ZFHX3: variants seen among roughly 807,000 people sequenced by gnomAD.
ZFHX3 encodes the protein zinc finger homeobox protein 3.
Under a neutral mutation model 279.1 loss-of-function variants are expected in ZFHX3, and 42 were observed. The ratio of observed to expected loss-of-function variants is 0.15; its 90% CI spans 0.12 to 0.19. The LOEUF (loss-of-function observed/expected upper bound fraction) is 0.19. ZFHX3 is among the 10% of genes least tolerant of loss of function. ZFHX3 has a pLI of 1.00. For synonymous variants in ZFHX3, 2,293 were observed against 1,957.8 expected, an observed-to-expected ratio of 1.17 and a Z score of -4.52; for missense variants, 4,981 against 4,754.0, an observed-to-expected ratio of 1.05 and a Z score of -1.40.
chr16:72,783,525 TTTTAC>T lies in ZFHX3; in HGVS notation c.*3634_*3638del, dbSNP rs375264098. 6.6e-6 allele frequency: 1 copy of T among 152,610 alleles called. No homozygotes were observed. The highest frequency in any genetic ancestry group is 1.5e-5 in the Non-Finnish European group (1 of 68,042). The allele number at this position is 152,610 out of a possible 1,614,324, so 9.5% of individuals were successfully genotyped here. A position where few individuals can be genotyped will look rare whatever the true frequency, so the allele number is the denominator to read the frequency against. On this transcript the variant is annotated 3_prime_UTR_variant, in exon 10 of 10. Coordinates refer to ENST00000268489, the MANE Select transcript of ZFHX3 (RefSeq NM_006885.4). The stretch of plus-strand genomic sequence containing the variant: ...CTCAGGTTTAAACACATGCCGTCTG[TTTTAC>T]TTTATTTTCAATTGTGTAAAACTTT...
upstream of ZFHX3, among the ~76,000 whole-genome samples, chr16:73,049,852 A>C (rs996750867): frequency 2.0e-5 from 3 of 152,220 alleles, no homozygotes; most frequent in Non-Finnish European, 4.4e-5. Flanking sequence ...ACTGTTATTT[A>C]TATTGGCCAT....
chr16:72,962,888 C>T (rs1347761794), intron 1 of ZFHX3, among the ~76,000 whole-genome samples: 5 of 151,898 alleles, frequency 3.3e-5, no homozygotes, highest in Admixed American at 6.6e-5. Flanking sequence ...AAGAGGGGGA[C>T]GCGCGCACAG....
intron 2 of ZFHX3, among the ~76,000 whole-genome samples, chr16:73,549,200 G>A (rs1214735224): frequency 6.6e-6 from 1 of 151,792 alleles, no homozygotes; most frequent in African/African-American, 2.4e-5. Flanking sequence ...TCTGCCTAAA[G>A]GAAAATGATT....
At chr16:73,296,711 T>C (rs988466493) in intron 4 of ZFHX3, among the ~76,000 whole-genome samples, 3 of 152,260 alleles carry the variant, frequency 2.0e-5, no homozygotes, top group East Asian at 1.9e-4. Context: ...GTAGATTCTT[T>C]GCATTCATTT....
chr16:72,882,972 T>C (rs1368940054), intron 4 of ZFHX3, among the ~76,000 whole-genome samples: 1 of 135,630 alleles, frequency 7.4e-6, no homozygotes, highest in Non-Finnish European at 1.6e-5. Context: ...TTCACACCAC[T>C]CTGGGGTGTG....
chr16:73,359,133 G>C (rs1218188320), intron 3 of ZFHX3, among the ~76,000 whole-genome samples: 1 of 151,640 alleles, frequency 6.6e-6, no homozygotes, highest in African/African-American at 2.4e-5. Context: ...TAGACAATTA[G>C]GTGCTACATC....
In ZFHX3 at chr16:73,620,939, G is replaced by C. The variant is rs969532569; in HGVS notation, c.-1547+59241C>G. Among the ~76,000 whole-genome samples, 15 of 152,350 alleles carry C rather than the reference G, an allele frequency of 9.8e-5. No individual in the cohort carries two copies. In the Middle Eastern group the frequency reaches 0.014, roughly 138 times the overall value. The stretch of plus-strand genomic sequence containing the variant: ...GAGACACAGCTTGGTGGGAATCCCA[G>C]CCAGACCCTTAGATGACTTTAAGCA... On this transcript the variant is annotated intron_variant, in intron 2 of 17. Coordinates refer to the ZFHX3 transcript ENST00000641206.
chr16:72,899,351 C>T (rs1368262259), intron 3 of ZFHX3, among the ~76,000 whole-genome samples: 1 of 152,092 alleles, frequency 6.6e-6, no homozygotes, highest in Non-Finnish European at 1.5e-5. Context: ...TAAAGGGCTT[C>T]CCCACTCCTT....
rs571381726 is a variant in ZFHX3, at chr16:73,034,987, A to T, written c.-50+12765T>A. ...CAGGGGTGATGGCTGACTTGGCTCCATCAACAGAATGTCTCAGAAGAGCAC... is the reference window on the plus strand; with the variant it reads ...CAGGGGTGATGGCTGACTTGGCTCCTTCAACAGAATGTCTCAGAAGAGCAC... On this transcript the variant is annotated intron_variant, in intron 1 of 9. Coordinates refer to ENST00000268489, the MANE Select transcript of ZFHX3 (RefSeq NM_006885.4). Among the ~76,000 whole-genome samples, 15 of 152,322 alleles carry T rather than the reference A, an allele frequency of 9.8e-5. No homozygotes were observed. In the South Asian group the frequency reaches 3.1e-3, roughly 32 times the overall value.
At chr16:73,805,390 A>G (rs1960251321) in intron 1 of ZFHX3, among the ~76,000 whole-genome samples, 1 of 152,220 alleles carries the variant, frequency 6.6e-6, no homozygotes, top group South Asian at 2.1e-4. Flanking sequence ...GATGGTCTTG[A>G]ACTCCTGACT....
Position 73,105,432 on chromosome 16 carries a change from TACACACACACACATATATATATA to T in ZFHX3, c.-896-11857_-896-11835del, listed in dbSNP as rs1966289877. ...ATACACACACACATATATATATATA[TACACACACACACATATATATATA>T]TATTTTTTCCCCCAGGCCAGGCGTG... is the stretch of plus-strand genomic sequence containing the variant. On this transcript the variant is annotated intron_variant, in intron 7 of 17. Transcript: ENST00000641206. Among the ~76,000 whole-genome samples the T allele has an allele frequency of 4.6e-4, 54 of 117,076 alleles. 2 individuals are homozygous for T. The highest frequency in any genetic ancestry group is 2.1e-3 in the African/African-American group (49 of 22,972). 76.8% of individuals were successfully genotyped at this position (117,076 alleles called of 152,430 possible).
At chr16:73,682,889 A>T (rs2053029014) in intron 1 of ZFHX3, among the ~76,000 whole-genome samples, 1 of 25,812 alleles carries the variant, frequency 3.9e-5, no homozygotes, top group Non-Finnish European at 7.9e-5. Flanking sequence ...AAAGAAAGAA[A>T]GAAAGAAAGA....
intron 5 of ZFHX3, among the ~76,000 whole-genome samples, chr16:72,819,933 C>T (rs1373960501): frequency 6.6e-6 from 1 of 152,224 alleles, no homozygotes; most frequent in Non-Finnish European, 1.5e-5. Context: ...CCTGGAGAGC[C>T]TCTGTGAAAA....
intron 4 of ZFHX3, among the ~76,000 whole-genome samples, chr16:73,300,268 A>T (rs1464746173): frequency 2.6e-5 from 3 of 115,542 alleles, no homozygotes; most frequent in African/African-American, 9.9e-5. Flanking sequence ...GTCTCTTAAA[A>T]AAAAAAAAAA....
chr16:73,690,824 A>G (rs1347351059), intron 1 of ZFHX3, among the ~76,000 whole-genome samples: 1 of 152,192 alleles, frequency 6.6e-6, no homozygotes, highest in Non-Finnish European at 1.5e-5. Context: ...AGGTTACCTT[A>G]CACCATCTGC....
intron 1 of ZFHX3, among the ~76,000 whole-genome samples, chr16:73,695,045 T>G (rs1376018294): frequency 1.3e-5 from 2 of 152,216 alleles, no homozygotes; most frequent in Non-Finnish European, 2.9e-5. Context: ...CAGCGCTGCC[T>G]CCTTATTGCA....
chr16:73,647,234 A>C (rs1017347521), intron 2 of ZFHX3, among the ~76,000 whole-genome samples: 2 of 152,006 alleles, frequency 1.3e-5, no homozygotes, highest in African/African-American at 2.4e-5. Context: ...GGATGGTCTC[A>C]ATCTCCTGAC....
intron 7 of ZFHX3, among the ~76,000 whole-genome samples, chr16:73,101,984 G>T (rs914437880): frequency 1.4e-5 from 2 of 146,576 alleles, no homozygotes; most frequent in African/African-American, 5.1e-5. Context: ...CGCCATCTCA[G>T]CTCACTGCAA....
chr16:73,107,429 G>T (rs920118748), intron 7 of ZFHX3, among the ~76,000 whole-genome samples: 12 of 152,104 alleles, frequency 7.9e-5, no homozygotes, highest in African/African-American at 2.9e-4. Context: ...AACAAAAGGA[G>T]ATCCATGTTA....
Sources: allele counts gnomAD v4.1 joint callset (sites outside exome capture counted in the v4.1 genomes callset), GRCh38; gene constraint gnomAD v4.1.1; transcripts MANE v1.5; gene names NCBI Gene and HGNC (gene_info 2026-07-23, HGNC 2026-07-21).